The following OSBPL1A variants were observed in gnomAD, a reference collection of about 807,000 sequenced individuals.
OSBPL1A encodes the protein oxysterol binding protein like 1A.
Under a neutral mutation model 137.1 loss-of-function variants are expected in OSBPL1A, and 80 were observed. The observed-to-expected ratio is 0.58, with a 90% CI of 0.49 to 0.70. The LOEUF is 0.70. Among genes scored for constraint, OSBPL1A ranks in the 30% least tolerant of loss-of-function variants. The probability of loss-of-function intolerance (pLI) is 0.00; values close to 1 mark genes in which losing one functional copy is unlikely to be tolerated. For synonymous variants in OSBPL1A, 365 were observed against 389.7 expected, an observed-to-expected ratio of 0.94 and a Z score of 0.75; for missense variants, 970 against 1,129.4, an observed-to-expected ratio of 0.86 and a Z score of 2.02.
intron 15 of OSBPL1A, among the ~76,000 whole-genome samples, chr18:24,265,388 G>A (rs977461088): frequency 1.3e-5 from 2 of 152,272 alleles, no homozygotes; most frequent in Admixed American, 6.5e-5. Flanking sequence ...GCTGAGACAG[G>A]AGAATTGCTT....
intron 13 of OSBPL1A, among the ~76,000 whole-genome samples, chr18:24,308,032 C>T (rs1241391578): frequency 1.3e-5 from 2 of 152,076 alleles, no homozygotes; most frequent in African/African-American, 2.4e-5. Flanking sequence ...GTGATCTGCC[C>T]GCCTCGGGAA....
At chr18:24,280,481 T>C (rs1391223102) in intron 15 of OSBPL1A, among the ~76,000 whole-genome samples, 2 of 152,208 alleles carry the variant, frequency 1.3e-5, no homozygotes, top group Non-Finnish European at 2.9e-5. Context: ...TTAGTTTACA[T>C]AGATAAGTAT....
chr18:24,351,695 A>G (rs1410945939), intron 4 of OSBPL1A, among the ~76,000 whole-genome samples: 1 of 152,062 alleles, frequency 6.6e-6, no homozygotes, highest in African/African-American at 2.4e-5. Context: ...GTGTGCCACC[A>G]TGCGCAGATA....
intron 17 of OSBPL1A, among the ~76,000 whole-genome samples, chr18:24,205,674 T>A (rs1487399089): frequency 6.6e-6 from 1 of 152,230 alleles, no homozygotes. Flanking sequence ...CTGCCTGAGT[T>A]GTTAAAGATT....
intron 17 of OSBPL1A, among the ~76,000 whole-genome samples, chr18:24,204,758 T>C (rs2087322604): frequency 6.6e-6 from 1 of 152,172 alleles, no homozygotes; most frequent in African/African-American, 2.4e-5. Flanking sequence ...GCAGTGGCCC[T>C]ATTCCCTTTC....
At position 24,225,185 on chromosome 18, in the gene OSBPL1A, T is replaced by TTCGGAC; in HGVS notation, c.1452_1457dup (p.Ser485_Glu486dup). 6.2e-7 allele frequency: 1 copy of TTCGGAC among 1,614,002 alleles called. No individual in the cohort carries two copies. Among genetic ancestry groups the TTCGGAC allele is most frequent in the Non-Finnish European group, 8.5e-7 (1 of 1,179,910 alleles). On this transcript the variant is annotated inframe_insertion, in exon 17 of 28. Coordinates refer to ENST00000319481, the MANE Select transcript of OSBPL1A (RefSeq NM_080597.4). The stretch of plus-strand genomic sequence containing the variant: ...CTGCTTCCAATCTACTCAGGGACCT[T>TTCGGAC]TCGGACTCGGAATCTGTGGCAGAGC...
At chr18:24,317,023 A>G in intron 11 of OSBPL1A, 126 bp downstream of exon 11, 2 of 876,650 alleles carry the variant, frequency 2.3e-6, no homozygotes, top group Non-Finnish European at 3.5e-6. Flanking sequence ...TAAAATATAT[A>G]CAAGTGTTTT....
chr18:24,348,987 C>G (rs2091393392), intron 4 of OSBPL1A, among the ~76,000 whole-genome samples: 1 of 151,610 alleles, frequency 6.6e-6, no homozygotes, highest in Non-Finnish European at 1.5e-5. Context: ...GGCAACGTGT[C>G]AAAACCCTTT....
intron 14 of OSBPL1A, among the ~76,000 whole-genome samples, chr18:24,289,416 CTGT>C (rs1448996837): frequency 1.0e-5 from 1 of 96,854 alleles, no homozygotes. Context: ...TTGTTTTTTC[CTGT>C]TTTTTTTTTT....
chr18:24,282,599 G>T (rs934121829), intron 14 of OSBPL1A, among the ~76,000 whole-genome samples: 1 of 152,132 alleles, frequency 6.6e-6, no homozygotes, highest in Non-Finnish European at 1.5e-5. Context: ...GGTGCAAAGT[G>T]CATATATATC....
chr18:24,287,634 G>A (rs1228825699), intron 14 of OSBPL1A, among the ~76,000 whole-genome samples: 4 of 151,936 alleles, frequency 2.6e-5, no homozygotes, highest in Non-Finnish European at 5.9e-5. Context: ...TTAGCTGGGC[G>A]AGGTGGTACT....
At chr18:24,185,055 T>C (rs2086707555) in intron 18 of OSBPL1A, among the ~76,000 whole-genome samples, 2 of 152,180 alleles carry the variant, frequency 1.3e-5, no homozygotes, top group Non-Finnish European at 2.9e-5. Context: ...AGATGCCTAT[T>C]ACTAAGGGAA....
At chr18:24,168,644 G>A (rs1309752198) in intron 24 of OSBPL1A, among the ~76,000 whole-genome samples, 1 of 152,138 alleles carries the variant, frequency 6.6e-6, no homozygotes, top group Non-Finnish European at 1.5e-5. Context: ...TAGAACTACT[G>A]GCTGAGACAC....
chr18:24,301,049 C>T (rs2090390782), intron 14 of OSBPL1A, among the ~76,000 whole-genome samples: 1 of 152,170 alleles, frequency 6.6e-6, no homozygotes, highest in Non-Finnish European at 1.5e-5. Context: ...CCTGTACAAA[C>T]CCTTGACAGT....
chr18:24,167,166 G>A (rs551158948), intron 25 of OSBPL1A, among the ~76,000 whole-genome samples, 163 bp downstream of exon 25: 2 of 152,250 alleles, frequency 1.3e-5, no homozygotes, highest in East Asian at 1.9e-4. Context: ...CACTTACGAC[G>A]CGCTGAGCTC....
chr18:24,393,704 C>G (rs1298959155), intron 1 of OSBPL1A, among the ~76,000 whole-genome samples: 3 of 152,128 alleles, frequency 2.0e-5, no homozygotes, highest in Admixed American at 6.6e-5. Context: ...CCGCCCATCT[C>G]GGCCTCCCAA....
Position 24,189,551 on chromosome 18 carries a change from C to A in OSBPL1A, c.1677+6574G>T, listed in dbSNP as rs540867117. On this transcript the variant is annotated intron_variant, in intron 18 of 27. Coordinates refer to ENST00000319481, the MANE Select transcript of OSBPL1A (RefSeq NM_080597.4). ...GGCACTGGATGTTTCCTCTATGACA[C>A]CTCTACCTCCCACAGCTACCGATAA... 5.9e-5 allele frequency among the ~76,000 whole-genome samples: 9 copies of A among 152,314 alleles called. 1 individual carries two copies. In the South Asian group the frequency reaches 1.9e-3, roughly 32 times the overall value.
Position 24,196,205 on chromosome 18 carries a change from A to G in OSBPL1A, c.1602-5T>C, listed in dbSNP as rs1482933323. On this transcript the variant is annotated splice_region_variant and splice_polypyrimidine_tract_variant and intron_variant, in intron 17 of 27. Coordinates refer to ENST00000319481, the MANE Select transcript of OSBPL1A (RefSeq NM_080597.4). ...ATAGGAGAAGGCAAACTTGTTCTGA[A>G]AAAAGAAAAGAAAAACATAAAGTTC... 1 of 1,601,078 alleles carries G rather than the reference A, an allele frequency of 6.2e-7. No homozygotes were observed. Among genetic ancestry groups the G allele is most frequent in the South Asian group, 1.1e-5 (1 of 90,422 alleles).
chr18:24,357,023 A>C (rs1383452479), intron 4 of OSBPL1A: 2 of 152,232 alleles, frequency 1.3e-5, no homozygotes, highest in Non-Finnish European at 2.9e-5. Flanking sequence ...AAGAGTATAC[A>C]TGTACAGCTT....
Sources: allele counts gnomAD v4.1 joint callset (sites outside exome capture counted in the v4.1 genomes callset), GRCh38; gene constraint gnomAD v4.1.1; transcripts MANE v1.5; gene names NCBI Gene and HGNC (gene_info 2026-07-23, HGNC 2026-07-21).